The following SMYD3 variants were observed in gnomAD, a reference collection of about 807,000 sequenced individuals.
SMYD3 encodes SET and MYND domain containing 3, also known as histone-lysine N-methyltransferase SMYD3.
In SMYD3, 36 loss-of-function variants were observed where a neutral mutation model predicts 57.7. The observed-to-expected ratio is 0.62, with a 90% CI of 0.48 to 0.82. The LOEUF is 0.82. Among genes scored for constraint, SMYD3 ranks in the 40% least tolerant of loss-of-function variants. The pLI, the probability that SMYD3 is intolerant of heterozygous loss-of-function variation, is 0.00. For synonymous variants in SMYD3, 211 were observed against 195.0 expected (o/e 1.08, Z -0.68); for missense variants, 515 against 538.8 (o/e 0.96, Z 0.44).
chr1:246,182,940 C>T (rs186580228), intron 5 of SMYD3, among the ~76,000 whole-genome samples: 1 of 152,158 alleles, frequency 6.6e-6, no homozygotes, highest in African/African-American at 2.4e-5. Context: ...CCCCTAAGTA[C>T]AAATGAGCAT....
chr1:245,822,208 T>C (rs540303982), intron 10 of SMYD3, among the ~76,000 whole-genome samples: 10 of 152,138 alleles, frequency 6.6e-5, no homozygotes, highest in Admixed American at 4.6e-4. Flanking sequence ...CATGGAATAC[T>C]ATGCAGCCAT....
intron 5 of SMYD3, among the ~76,000 whole-genome samples, chr1:246,066,832 C>A (rs2060349459): frequency 6.6e-6 from 1 of 152,168 alleles, no homozygotes; most frequent in African/African-American, 2.4e-5. Context: ...ACAAATAAAT[C>A]TTTTCATATA....
chr1:245,879,813 T>C lies in SMYD3; in HGVS notation c.814-15927A>G, dbSNP rs376595843. Among the ~76,000 whole-genome samples the C allele has an allele frequency of 2.0e-5, 3 of 152,076 alleles. No individual in the cohort carries two copies. In the East Asian group the frequency reaches 5.8e-4, roughly 29 times the overall value. On this transcript the variant is annotated intron_variant, in intron 8 of 11. Transcript: ENST00000490107. ...GGTCTCAAGAAAATAAAAATAAAACTCTGTAATGGAAGTCTTCAAGCAAAT... is the reference window on the plus strand; with the variant it reads ...GGTCTCAAGAAAATAAAAATAAAACCCTGTAATGGAAGTCTTCAAGCAAAT...
In SMYD3 at chr1:246,337,686, C is replaced by G. The variant is rs1001073076; in HGVS notation, c.229-2212G>C. On this transcript the variant is annotated intron_variant, in intron 2 of 11. Coordinates refer to ENST00000490107, the MANE Select transcript of SMYD3 (RefSeq NM_001167740.2). ...AGTGTCCAGCTGAACAGGGCTCACA[C>G]TCAGCAAAACAAGGCAGAGATAATT... Among the ~76,000 whole-genome samples, 6 of 152,166 alleles carry G rather than the reference C, an allele frequency of 3.9e-5. No homozygotes were observed. The South Asian group carries it at 8.3e-4, about 21-fold the overall frequency.
intron 5 of SMYD3, among the ~76,000 whole-genome samples, chr1:245,969,182 G>A (rs2058232196): frequency 6.6e-6 from 1 of 152,210 alleles, no homozygotes; most frequent in Non-Finnish European, 1.5e-5. Flanking sequence ...TATTTAAATT[G>A]AGAGCCTGGG....
chr1:246,293,368 C>T (rs1168115946), intron 5 of SMYD3, among the ~76,000 whole-genome samples: 1 of 152,224 alleles, frequency 6.6e-6, no homozygotes, highest in Non-Finnish European at 1.5e-5. Flanking sequence ...TAGAAGGCTA[C>T]TTTACCATAG....
At chr1:245,857,665 A>G (rs954612564) in intron 10 of SMYD3, among the ~76,000 whole-genome samples, 1 of 152,012 alleles carries the variant, frequency 6.6e-6, no homozygotes, top group Non-Finnish European at 1.5e-5. Context: ...CCCGCCAGCA[A>G]CCTTGTTCTG....
intron 4 of SMYD3, 39 bp downstream of exon 4, chr1:246,330,441 A>G: frequency 1.3e-6 from 2 of 1,499,516 alleles, no homozygotes. Context: ...CAAACAAATT[A>G]TAGAAACTTT....
At chr1:246,232,622 T>C (rs765318482) in intron 5 of SMYD3, among the ~76,000 whole-genome samples, 1,716 of 119,018 alleles carry the variant, frequency 0.014, no homozygotes, top group African/African-American at 0.031. Flanking sequence ...CTCCTTCAAT[T>C]CACACAGTGA....
At chr1:245,881,762 T>G (rs2052790814) in intron 8 of SMYD3, among the ~76,000 whole-genome samples, 1 of 152,190 alleles carries the variant, frequency 6.6e-6, no homozygotes, top group African/African-American at 2.4e-5. Context: ...CACCTGATTT[T>G]CATAGGGTAG....
chr1:246,499,646 G>A (rs2068426625), intron 1 of SMYD3, among the ~76,000 whole-genome samples: 1 of 151,992 alleles, frequency 6.6e-6, no homozygotes, highest in Non-Finnish European at 1.5e-5. Flanking sequence ...AGTAGAGACG[G>A]GGTTTCGCTA....
intron 5 of SMYD3, among the ~76,000 whole-genome samples, chr1:246,011,810 T>C (rs1030771024): frequency 6.6e-6 from 1 of 152,194 alleles, no homozygotes; most frequent in Non-Finnish European, 1.5e-5. Flanking sequence ...AAGTTTACGC[T>C]TGCTCCACTA....
intron 8 of SMYD3, among the ~76,000 whole-genome samples, chr1:245,891,620 G>C (rs907959163): frequency 6.6e-6 from 1 of 152,218 alleles, no homozygotes; most frequent in African/African-American, 2.4e-5. Flanking sequence ...TAGGGGTGAA[G>C]AGGACAGCAC....
intron 5 of SMYD3, among the ~76,000 whole-genome samples, chr1:246,311,152 C>A (rs760488627): frequency 1.3e-5 from 2 of 152,266 alleles, no homozygotes; most frequent in African/African-American, 4.8e-5. Context: ...CAAGTTTAAA[C>A]CTTCCTTGTC....
intron 10 of SMYD3, among the ~76,000 whole-genome samples, chr1:245,780,700 A>C (rs1295012648): frequency 6.6e-6 from 1 of 152,216 alleles, no homozygotes; most frequent in Non-Finnish European, 1.5e-5. Context: ...GCGCTATCTC[A>C]ATTTTTTTAA....
At chr1:246,147,432 G>T (rs2061867332) in intron 5 of SMYD3, among the ~76,000 whole-genome samples, 1 of 152,166 alleles carries the variant, frequency 6.6e-6, no homozygotes, top group Admixed American at 6.5e-5. Context: ...CGTGAATCAG[G>T]ACGTGCTCGG....
intron 10 of SMYD3, among the ~76,000 whole-genome samples, chr1:245,813,909 T>A (rs1005378190): frequency 6.8e-5 from 10 of 147,846 alleles, no homozygotes; most frequent in African/African-American, 2.5e-4. Context: ...TATATACAGA[T>A]GAATCACTGG....
At chr1:246,183,919 G>A (rs2062592823) in intron 5 of SMYD3, among the ~76,000 whole-genome samples, 1 of 152,190 alleles carries the variant, frequency 6.6e-6, no homozygotes, top group South Asian at 2.1e-4. Flanking sequence ...ATTACTAAAA[G>A]GATTTACAAG....
intron 10 of SMYD3, among the ~76,000 whole-genome samples, chr1:245,767,316 C>T (rs1473497879): frequency 1.3e-5 from 2 of 152,148 alleles, no homozygotes; most frequent in Non-Finnish European, 2.9e-5. Context: ...GGGGAAGATG[C>T]ACCTACAAGA....
Sources: allele counts gnomAD v4.1 joint callset (sites outside exome capture counted in the v4.1 genomes callset), GRCh38; gene constraint gnomAD v4.1.1; transcripts MANE v1.5; gene names NCBI Gene and HGNC (gene_info 2026-07-23, HGNC 2026-07-21).